The following YJU2B variants were observed in gnomAD, a reference collection of about 807,000 sequenced individuals.
YJU2B encodes probable splicing factor YJU2B.
Under a neutral mutation model 38.0 loss-of-function variants are expected in YJU2B, and 18 were observed. That is an observed-to-expected ratio of 0.47 (90% CI 0.33 to 0.70). The LOEUF (loss-of-function observed/expected upper bound fraction) is 0.70, where lower values mean the gene tolerates loss of function less well. YJU2B is among the 30% of genes least tolerant of loss of function. The pLI, the probability that YJU2B is intolerant of heterozygous loss-of-function variation, is 0.02. For missense variants in YJU2B, 538 were observed against 556.3 expected, an observed-to-expected ratio of 0.97 and a Z score of 0.33; for synonymous variants, 246 against 225.4, an observed-to-expected ratio of 1.09 and a Z score of -0.82.
At chr19:13,735,920 G>T (rs946381396) in intron 2 of YJU2B, among the ~76,000 whole-genome samples, 6 of 151,718 alleles carry the variant, frequency 4.0e-5, no homozygotes, top group Non-Finnish European at 8.8e-5. Context: ...GGCGTGGTGG[G>T]GGGCACCTGT....
At chr19:13,748,016 C>G (rs1025305776) in intron 1 of YJU2B, 62 bp downstream of exon 1, 7 of 152,382 alleles carry the variant, frequency 4.6e-5, no homozygotes, top group Non-Finnish European at 7.3e-5. Flanking sequence ...CTCACCCTGG[C>G]CTCGGAGCTG....
rs1973920931 is a variant in YJU2B, at chr19:13,762,329, G to T, written c.604G>T (p.Glu202Ter). ...EKKKAIQEEEERDQALQAKAS... is the reference protein window; with the variant it reads ...EKKKAIQEEE The stretch of plus-strand genomic sequence containing the variant: ...GAAAAAAGCCATCCAGGAGGAGGAG[G>T]AGAGAGACCAGGCCTTGCAGGCCAA... The change falls in exon 9 of 10, where the codon GAG (glutamate) becomes TAG (stop). Residue 202 changes from glutamate to a stop codon, truncating the protein, a stop_gained. Transcript: ENST00000221554. LOFTEE classifies it high-confidence loss of function. 1 of 1,613,822 alleles carries T rather than the reference G, an allele frequency of 6.2e-7. No individual in the cohort carries two copies.
upstream of YJU2B, among the ~76,000 whole-genome samples, chr19:13,747,284 C>T (rs1020432153): frequency 2.6e-5 from 4 of 152,142 alleles, no homozygotes; most frequent in Non-Finnish European, 5.9e-5. Flanking sequence ...ATTTTATTTA[C>T]GTACGCTGAA....
At chr19:13,740,892 C>T (rs1388500476) in intron 2 of YJU2B, among the ~76,000 whole-genome samples, 1 of 152,114 alleles carries the variant, frequency 6.6e-6, no homozygotes, top group African/African-American at 2.4e-5. Flanking sequence ...GATGTCTGCC[C>T]AGCCCTACCC....
chr19:13,745,728 T>TGTAG (rs1973226457), upstream of YJU2B, among the ~76,000 whole-genome samples: 1 of 81,988 alleles, frequency 1.2e-5, no homozygotes, highest in African/African-American at 5.4e-5. Flanking sequence ...TATAGATATC[T>TGTAG]ATATATATAT....
chr19:13,751,915 T>A (rs565084809), intron 2 of YJU2B, 104 bp downstream of exon 2: 1 of 1,110,016 alleles, frequency 9.0e-7, no homozygotes, highest in South Asian at 1.3e-5. Context: ...ATGATTTCAA[T>A]CTCCGGGTCA....
chr19:13,736,132 C>T (rs560315199), intron 2 of YJU2B, among the ~76,000 whole-genome samples: 8 of 151,980 alleles, frequency 5.3e-5, no homozygotes, highest in African/African-American at 1.7e-4. Context: ...TAGGAATATC[C>T]AAGTAAATTA....
In YJU2B at chr19:13,757,774, AC is replaced by A. The variant is rs148871614; in HGVS notation, c.197-7del. ...GCAATGAAATTACCACCCCCGCCTG[AC>A]CCCCTTCCAGGTGTTCGTTACAATG... is the stretch of plus-strand genomic sequence containing the variant. On this transcript the variant is annotated splice_polypyrimidine_tract_variant and intron_variant, in intron 5 of 9. Coordinates refer to ENST00000221554, the MANE Select transcript of YJU2B (RefSeq NM_030818.4). 3.7e-6 allele frequency: 6 copies of A among 1,613,446 alleles called. No individual in the cohort carries two copies. The Middle Eastern group carries it at 8.3e-4, about 222-fold the overall frequency.
chr19:13,735,955 G>A (rs1318397178), intron 2 of YJU2B, among the ~76,000 whole-genome samples: 2 of 151,648 alleles, frequency 1.3e-5, no homozygotes, highest in Non-Finnish European at 1.5e-5. Flanking sequence ...GGGAGGCTGA[G>A]GCAGGAGAAT....
intron 1 of YJU2B, among the ~76,000 whole-genome samples, chr19:13,749,632 C>CTTTTT (rs71170557): frequency 1.2e-4 from 15 of 130,334 alleles, no homozygotes; most frequent in Non-Finnish European, 1.5e-4. Context: ...GAACTTCTTT[C>CTTTTT]TTTTTTTTTT....
Position 13,763,269 on chromosome 19 carries a change from A to G in YJU2B, c.*201A>G, listed in dbSNP as rs560019162. ...GTGTTTGTGCCTTGTGAGACTCCGT[A>G]CATTAAAGACCTGTCTCTTCTTCCC... On this transcript the variant is annotated 3_prime_UTR_variant, in exon 10 of 10. Transcript: ENST00000221554. 5.6e-6 allele frequency: 3 copies of G among 532,464 alleles called. No homozygotes were observed. The highest frequency in any genetic ancestry group is 5.7e-5 in the South Asian group (2 of 34,796). 33.0% of individuals were successfully genotyped at this position (532,464 alleles called of 1,614,324 possible). A position where few individuals can be genotyped will look rare whatever the true frequency, so the allele number is the denominator to read the frequency against.
intron 2 of YJU2B, among the ~76,000 whole-genome samples, chr19:13,734,505 G>T (rs961053294): frequency 6.6e-6 from 1 of 152,060 alleles, no homozygotes; most frequent in Non-Finnish European, 1.5e-5. Context: ...GGCCAGGCTG[G>T]TCTTGAACTC....
chr19:13,759,284 T>C lies in YJU2B; in HGVS notation c.573+12T>C, dbSNP rs751896126. The C allele has an allele frequency of 6.3e-6, 10 of 1,593,010 alleles. No homozygotes were observed. The highest frequency in any genetic ancestry group is 8.6e-6 in the Non-Finnish European group (10 of 1,168,656). ...GGAGAAGGTTCCGGGTGAGGGGGGC[T>C]CCAGCCCGGGGTCAGAGAGGATGCA... is the stretch of plus-strand genomic sequence containing the variant. On this transcript the variant is annotated intron_variant, in intron 8 of 9. Coordinates refer to ENST00000221554, the MANE Select transcript of YJU2B (RefSeq NM_030818.4).
At position 13,762,833 on chromosome 19, in the gene YJU2B, C is replaced by T. The variant is rs1386642332; in HGVS notation, c.956C>T (p.Pro319Leu). 1 of 1,605,150 alleles carries T rather than the reference C, an allele frequency of 6.2e-7. No individual in the cohort carries two copies. The highest frequency in any genetic ancestry group is 1.3e-5 in the African/African-American group (1 of 74,840). Reference sequence around the variant, plus strand: ...GCCGACACCCCCAAGTCTGGGGAACCGCGGGTACCAGAGGAGGCTGCCCAG... The same window carrying T: ...GCCGACACCCCCAAGTCTGGGGAACTGCGGGTACCAGAGGAGGCTGCCCAG... ...HAADTPKSGEPRVPEEAAQDR... is the reference protein window; with the variant it reads ...HAADTPKSGELRVPEEAAQDR... Residue 319 changes from proline to leucine, a missense_variant, in exon 10 of 10, where the codon CCG becomes CTG. Transcript: ENST00000221554.
Position 13,757,391 on chromosome 19 carries a change from CAAGT to C in YJU2B, c.141-23_141-20del, listed in dbSNP as rs1374006409. Reference sequence around the variant, plus strand: ...CAGGGAGTGTCCAAGTGGACAAGTGCAAGTAAGATGCTGTCTGTCTTTGCAGATT... The same window carrying C: ...CAGGGAGTGTCCAAGTGGACAAGTGCAAGATGCTGTCTGTCTTTGCAGATT... On this transcript the variant is annotated intron_variant, in intron 4 of 9. Transcript: ENST00000221554. 5 of 1,609,208 alleles carry C rather than the reference CAAGT, an allele frequency of 3.1e-6. No homozygotes were observed. The South Asian group carries it at 5.5e-5, about 18-fold the overall frequency.
chr19:13,733,703 G>A (rs1267831146), intron 2 of YJU2B, among the ~76,000 whole-genome samples: 3 of 152,038 alleles, frequency 2.0e-5, no homozygotes, highest in East Asian at 3.9e-4. Context: ...CCTGGGCAAC[G>A]AGAGTGAAAC....
chr19:13,742,067 A>G (rs908812943), intron 2 of YJU2B, among the ~76,000 whole-genome samples: 2 of 150,722 alleles, frequency 1.3e-5, no homozygotes, highest in East Asian at 3.9e-4. Flanking sequence ...GACTTTATCT[A>G]CATAATAAGA....
chr19:13,754,993 T>G (rs988298813), intron 3 of YJU2B, among the ~76,000 whole-genome samples: 18 of 151,752 alleles, frequency 1.2e-4, no homozygotes, highest in African/African-American at 4.4e-4. Flanking sequence ...TCTCCATACG[T>G]CAGAAGGGGG....
At chr19:13,753,574 CAAAAAAAAA>C (rs34397712) in intron 2 of YJU2B, among the ~76,000 whole-genome samples, 26 of 71,878 alleles carry the variant, frequency 3.6e-4, no homozygotes, top group Admixed American at 5.0e-4. Context: ...AACTCTGTCT[CAAAAAAAAA>C]AAAAAAAAAA....
Sources: allele counts gnomAD v4.1 joint callset (sites outside exome capture counted in the v4.1 genomes callset), GRCh38; gene constraint gnomAD v4.1.1; transcripts MANE v1.5; gene names NCBI Gene and HGNC (gene_info 2026-07-23, HGNC 2026-07-21).